GPR50: variants seen among roughly 807,000 people sequenced by gnomAD.
GPR50 encodes the protein G protein-coupled receptor 50.
A neutral mutation model predicts 2.6 loss-of-function variants in GPR50; 1 was observed. The observed-to-expected ratio is 0.38, with a 90% CI of 0.13 to 1.79. The LOEUF is 1.79. Among genes scored for constraint, GPR50 ranks in the 40% most tolerant of loss-of-function variants. GPR50 has a pLI of 0.33. For missense variants in GPR50, 535 were observed against 522.1 expected (o/e 1.02, Z -0.24); for synonymous variants, 233 against 202.3 (o/e 1.15, Z -1.29).
chrX:151,182,627 T>C (rs1312106340), downstream of GPR50: 1 of 112,124 alleles, frequency 8.9e-6, no homozygotes, highest in African/African-American at 3.2e-5. Context: ...TACACGATGT[T>C]AAGTCGTAGA....
At position 151,180,801 on chromosome X, in the gene GPR50, T is replaced by C; in HGVS notation, c.1218T>C (p.Ser406=). ...AATCTGCCTCTACCCACCACAAGTC[T>C]GTCTTTAGCCACTCCAAGGCTGCCT... ...YRKSASTHHK[S]VFSHSKAASG... Residue 406 remains serine, a synonymous_variant, in exon 2 of 2, where the codon TCT becomes TCC. Transcript: ENST00000218316. 4.1e-6 allele frequency: 5 copies of C among 1,211,044 alleles called. No individual in the cohort carries two copies. Among genetic ancestry groups the C allele is most frequent in the Non-Finnish European group, 5.6e-6 (5 of 895,225 alleles).
In GPR50 at chrX:151,179,948, T is replaced by A; in HGVS notation, c.365T>A (p.Ile122Asn). The change falls in exon 2 of 2, where the codon ATC becomes AAC. Residue 122 changes from isoleucine to asparagine, a missense_variant. Physicochemically the swap from Ile to Asn is moderately radical, Grantham distance 149. Transcript: ENST00000218316. ...GGCTCCATCTTCAACATCGTGGCAA[T>A]CGCTATCAACCGTTACTGCTACATC... ...VVGSIFNIVA[I>N]AINRYCYICH... is the part of the protein sequence containing the mutation. The A allele has an allele frequency of 8.3e-7, 1 of 1,211,488 alleles. No homozygotes were observed. The highest frequency in any genetic ancestry group is 1.1e-6 in the Non-Finnish European group (1 of 895,407).
rs901402971 is a variant in GPR50, at chrX:151,181,331, C to G, written c.1748C>G (p.Thr583Ser). ...GCTGCCAGCCAGCTGGAGTCTGACA[C>G]CATCGCTGACCTTCCTGACCCTACT... Reference protein sequence around the residue: ...KPAASQLESDTIADLPDPTVV... With the variant: ...KPAASQLESDSIADLPDPTVV... Residue 583 changes from threonine to serine, a missense_variant, in exon 2 of 2, where the codon ACC becomes AGC. Transcript: ENST00000218316. 8.3e-7 allele frequency: 1 copy of G among 1,205,875 alleles called. No homozygotes were observed. The highest frequency in any genetic ancestry group is 1.1e-6 in the Non-Finnish European group (1 of 890,475).
chrX:151,179,051 C>T (rs1310878607), intron 1 of GPR50, among the ~76,000 whole-genome samples: 4 of 100,701 alleles, frequency 4.0e-5, no homozygotes, highest in Admixed American at 2.2e-4. Flanking sequence ...TCTCCTCCCC[C>T]CCACCCCCGC....
At chrX:151,178,257 A>G (rs922143948) in intron 1 of GPR50, among the ~76,000 whole-genome samples, 32 of 111,993 alleles carry the variant, frequency 2.9e-4, no homozygotes, top group African/African-American at 9.1e-4. Flanking sequence ...CAAGTTTAAA[A>G]ACGCACTGAC....
At position 151,180,592 on chromosome X, in the gene GPR50, C is replaced by G. The variant is rs774635473; in HGVS notation, c.1009C>G (p.Arg337Gly). ...REMQEARTLARARAHARDQAR... is the reference protein window; with the variant it reads ...REMQEARTLAGARAHARDQAR... The stretch of plus-strand genomic sequence containing the variant: ...GATGCAGGAGGCCCGTACCCTGGCC[C>G]GCGCCCGTGCCCATGCTCGCGACCA... Residue 337 changes from arginine to glycine, a missense_variant, in exon 2 of 2, where the codon CGC becomes GGC. Transcript: ENST00000218316. 1 of 1,210,055 alleles carries G rather than the reference C, an allele frequency of 8.3e-7. No homozygotes were observed. Among genetic ancestry groups the G allele is most frequent in the Non-Finnish European group, 1.1e-6 (1 of 894,261 alleles).
In GPR50 at chrX:151,181,342, C is replaced by A. The variant is rs1352212265; in HGVS notation, c.1759C>A (p.Leu587Ile). ...SQLESDTIAD[L>I]PDPTVVTTST... ...GCTGGAGTCTGACACCATCGCTGACCTTCCTGACCCTACTGTAGTCACTAC... is the reference window on the plus strand; with the variant it reads ...GCTGGAGTCTGACACCATCGCTGACATTCCTGACCCTACTGTAGTCACTAC... The change falls in exon 2 of 2, where the codon CTT becomes ATT. Residue 587 changes from leucine to isoleucine, a missense_variant. Leu to Ile is a conservative substitution (Grantham distance 5). Coordinates refer to ENST00000218316, the MANE Select transcript of GPR50 (RefSeq NM_004224.3). 8.3e-7 allele frequency: 1 copy of A among 1,201,033 alleles called. No homozygotes were observed. Among genetic ancestry groups the A allele is most frequent in the African/African-American group, 1.8e-5 (1 of 57,139 alleles).
chrX:151,179,341 T>C (rs1453512801), intron 1 of GPR50, among the ~76,000 whole-genome samples: 1 of 110,355 alleles, frequency 9.1e-6, no homozygotes, highest in African/African-American at 3.3e-5. Flanking sequence ...ATTTATCTTT[T>C]TCTAATTATT....
rs369656707 is a variant in GPR50 at position 151,180,834 on chromosome X, C to A, written c.1251C>A (p.His417Gln). The A allele has an allele frequency of 8.3e-7, 1 of 1,211,041 alleles. No individual in the cohort carries two copies. Among genetic ancestry groups the A allele is most frequent in the East Asian group, 3.0e-5 (1 of 33,809 alleles). ...GCCACTCCAAGGCTGCCTCTGGTCA[C>A]CTCAAGCCTGTCTCTGGCCACTCCA... ...VFSHSKAASG[H>Q]LKPVSGHSKP... The change falls in exon 2 of 2, where the codon CAC becomes CAA. Residue 417 changes from histidine to glutamine, a missense_variant. Coordinates refer to ENST00000218316, the MANE Select transcript of GPR50 (RefSeq NM_004224.3).
chrX:151,176,836 A>G lies in GPR50; in HGVS notation c.115A>G (p.Ile39Val). 1 of 1,205,569 alleles carries G rather than the reference A, an allele frequency of 8.3e-7. No individual in the cohort carries two copies. The highest frequency in any genetic ancestry group is 1.7e-5 in the African/African-American group (1 of 57,545). The change falls in exon 1 of 2, where the codon ATC becomes GTC. Residue 39 changes from isoleucine (I) to valine (V), a missense_variant. By Grantham distance (29) the Ile-to-Val change is conservative (BLOSUM62 3). Transcript: ENST00000218316. ...TATGTTCTGCGCGATGGTTATCACC[A>G]TCGTTGTAGACCTAATCGGCAACTC... ...IFMFCAMVITIVVDLIGNSMV... is the reference protein window; with the variant it reads ...IFMFCAMVITVVVDLIGNSMV...
At chrX:151,177,487 C>G (rs1283919270) in intron 1 of GPR50, 1 of 112,614 alleles carries the variant, frequency 8.9e-6, no homozygotes. Flanking sequence ...GCACAGACCC[C>G]CGCGCCCGAG....
chrX:151,176,793 A>G lies in GPR50; in HGVS notation c.72A>G (p.Pro24=). Residue 24 remains proline, a synonymous_variant, in exon 1 of 2, where the codon CCA becomes CCG. Coordinates refer to ENST00000218316, the MANE Select transcript of GPR50 (RefSeq NM_004224.3). ...GTAAGCTACCCCAGCCAGAATACCC[A>G]CCGGCTCTAATCATCTTTATGTTCT... ...IGCKLPQPEY[P]PALIIFMFCA... 8.3e-7 allele frequency: 1 copy of G among 1,202,631 alleles called. No individual in the cohort carries two copies. The highest frequency in any genetic ancestry group is 1.1e-6 in the Non-Finnish European group (1 of 888,294).
At chrX:151,178,870 G>C (rs979551343) in intron 1 of GPR50, among the ~76,000 whole-genome samples, 1 of 112,159 alleles carries the variant, frequency 8.9e-6, no homozygotes, top group Non-Finnish European at 1.9e-5. Context: ...CCGGAGTGGG[G>C]GTGACCCTTC....
Position 151,180,882 on chromosome X carries a change from G to T in GPR50, c.1299G>T (p.Lys433Asn), listed in dbSNP as rs1476960884. 7 of 1,208,276 alleles carry T rather than the reference G, an allele frequency of 5.8e-6. No individual in the cohort carries two copies. Among genetic ancestry groups the T allele is most frequent in the Non-Finnish European group, 7.8e-6 (7 of 894,575 alleles). Reference sequence around the variant, plus strand: ...CCAAGCCTGCCTCTGGTCACCCCAAGTCTGCCACTGTCTACCCTAAGCCTG... The same window carrying T: ...CCAAGCCTGCCTCTGGTCACCCCAATTCTGCCACTGTCTACCCTAAGCCTG... Reference protein sequence around the residue: ...GHSKPASGHPKSATVYPKPAS... With the variant: ...GHSKPASGHPNSATVYPKPAS... Residue 433 changes from lysine to asparagine, a missense_variant, in exon 2 of 2, where the codon AAG becomes AAT. By Grantham distance (94) the Lys-to-Asn change is moderately conservative. Coordinates refer to ENST00000218316, the MANE Select transcript of GPR50 (RefSeq NM_004224.3).
chrX:151,180,797 A>G lies in GPR50; in HGVS notation c.1214A>G (p.Lys405Arg). The G allele has an allele frequency of 1.7e-6, 2 of 1,210,331 alleles. No individual in the cohort carries two copies. The highest frequency in any genetic ancestry group is 1.1e-6 in the Non-Finnish European group (1 of 895,020). Reference protein sequence around the residue: ...AYRKSASTHHKSVFSHSKAAS... With the variant: ...AYRKSASTHHRSVFSHSKAAS... ...CGCAAATCTGCCTCTACCCACCACA[A>G]GTCTGTCTTTAGCCACTCCAAGGCT... Residue 405 changes from lysine to arginine, a missense_variant, in exon 2 of 2, where the codon AAG becomes AGG. Physicochemically the swap from Lys to Arg is conservative, Grantham distance 26 (BLOSUM62 2). Transcript: ENST00000218316.
chrX:151,181,281 C>T lies in GPR50; in HGVS notation c.1698C>T (p.Ser566=). Residue 566 remains serine, a synonymous_variant, in exon 2 of 2, where the codon AGC becomes AGT. Coordinates refer to ENST00000218316, the MANE Select transcript of GPR50 (RefSeq NM_004224.3). ...DDSDLPESAS[S]PAAGPTKPAA... is the part of the protein sequence containing the mutation. ...GTGACCTCCCTGAGTCGGCCTCTAG[C>T]CCTGCCGCTGGGCCCACCAAGCCTG... 3 of 1,211,087 alleles carry T rather than the reference C, an allele frequency of 2.5e-6. No homozygotes were observed. Among genetic ancestry groups the T allele is most frequent in the South Asian group, 3.5e-5 (2 of 56,889 alleles).
At position 151,181,076 on chromosome X, in the gene GPR50, A is replaced by T; in HGVS notation, c.1493A>T (p.His498Leu). Residue 498 changes from histidine to leucine, a missense_variant, in exon 2 of 2, where the codon CAC (histidine) becomes CTC (leucine). By Grantham distance (99) the His-to-Leu change is moderately conservative (BLOSUM62 -3). Coordinates refer to ENST00000218316, the MANE Select transcript of GPR50 (RefSeq NM_004224.3). ...TCTGCCTTCAGTGCTGCCACCAGCC[A>T]CCCTAAACCCACCACTGGCCACATC... ...SKSAFSAATS[H>L]PKPTTGHIKP... is the part of the protein sequence containing the mutation. 1 of 1,176,972 alleles carries T rather than the reference A, an allele frequency of 8.5e-7. No homozygotes were observed. Among genetic ancestry groups the T allele is most frequent in the Non-Finnish European group, 1.1e-6 (1 of 880,178 alleles).
In GPR50 at chrX:151,176,621, C is replaced by A; in HGVS notation, c.-101C>A. 3.8e-6 allele frequency: 2 copies of A among 520,940 alleles called. No homozygotes were observed. Among genetic ancestry groups the A allele is most frequent in the Non-Finnish European group, 6.3e-6 (2 of 315,495 alleles). 42.9% of individuals were successfully genotyped at this position (520,940 alleles called of 1,213,427 possible). A position where few individuals can be genotyped will look rare whatever the true frequency, so the allele number is the denominator to read the frequency against. On this transcript the variant is annotated 5_prime_UTR_variant, in exon 1 of 2. Coordinates refer to ENST00000218316, the MANE Select transcript of GPR50 (RefSeq NM_004224.3). ...TCTCTGACTCTCAGAGAGGGAGGCA[C>A]GCTTTCCTGGAGCTCCTGGTGACAG... is the stretch of plus-strand genomic sequence containing the variant.
At chrX:151,178,291 T>C (rs1602726965) in intron 1 of GPR50, among the ~76,000 whole-genome samples, 1 of 112,255 alleles carries the variant, frequency 8.9e-6, no homozygotes, top group East Asian at 2.8e-4. Flanking sequence ...TTAAAAGTTT[T>C]CTTACAAAGT....
Sources: gnomAD v4.1 joint callset for allele counts (sites outside exome capture counted in the v4.1 genomes callset) on GRCh38, gnomAD v4.1.1 for gene constraint, MANE v1.5 for transcripts, NCBI Gene and HGNC (gene_info 2026-07-23, HGNC 2026-07-21) for gene names.